Variants in ANXA4 observed in about 807,000 individuals in gnomAD.
The protein encoded by ANXA4 is 35-beta calcimedin.
ANXA4 carries 39 observed loss-of-function variants against 49.8 expected under a neutral mutation model. The ratio of observed to expected loss-of-function variants is 0.78; its 90% CI spans 0.61 to 1.02. The LOEUF is 1.02. Among genes scored for constraint, ANXA4 ranks in the 50% least tolerant of loss-of-function variants. The probability of loss-of-function intolerance (pLI) is 0.00; values close to 1 mark genes in which losing one functional copy is unlikely to be tolerated. For synonymous variants in ANXA4, 134 were observed against 152.5 expected (o/e 0.88, Z 0.89); for missense variants, 360 against 410.1 (o/e 0.88, Z 1.05).
chr2:69,775,685 C>T (rs1202918113), intron 1 of ANXA4, among the ~76,000 whole-genome samples: 1 of 152,184 alleles, frequency 6.6e-6, no homozygotes, highest in Non-Finnish European at 1.5e-5. Flanking sequence ...GCTTTTCTAG[C>T]ACTCATGCTT....
At chr2:69,759,747 C>T (rs1179715132) in intron 1 of ANXA4, among the ~76,000 whole-genome samples, 1 of 152,020 alleles carries the variant, frequency 6.6e-6, no homozygotes, top group East Asian at 1.9e-4. Flanking sequence ...AAAACAAAAC[C>T]AAAAAATAAT....
chr2:69,646,691 A>G (rs1036548635), intron 1 of ANXA4, among the ~76,000 whole-genome samples: 1 of 152,074 alleles, frequency 6.6e-6, no homozygotes, highest in Non-Finnish European at 1.5e-5. Context: ...TAAGTCACAC[A>G]TCCCTACACT....
At chr2:69,820,874 T>C in intron 12 of ANXA4, 53 bp downstream of exon 12, 1 of 1,571,226 alleles carries the variant, frequency 6.4e-7, no homozygotes, top group Non-Finnish European at 8.6e-7. Flanking sequence ...AGGACCCCTC[T>C]GACCTTGGCA....
chr2:69,672,223 TTTTA>T (rs142289857), intron 2 of ANXA4, among the ~76,000 whole-genome samples: 61 of 151,938 alleles, frequency 4.0e-4, no homozygotes, highest in African/African-American at 1.4e-3. Flanking sequence ...TTATTATGTA[TTTTA>T]TTTATTTATT....
In ANXA4 at chr2:69,818,603, T is replaced by A. The variant is rs536375938; in HGVS notation, c.633T>A (p.Phe211Leu). 1.3e-6 allele frequency: 2 copies of A among 1,591,780 alleles called. No individual in the cohort carries two copies. Among genetic ancestry groups the A allele is most frequent in the Admixed American group, 3.5e-5 (2 of 56,848 alleles). Residue 211 changes from phenylalanine (F) to leucine (L), a missense_variant, in exon 10 of 13, where the codon TTT becomes TTA. Coordinates refer to ENST00000394295, the MANE Select transcript of ANXA4 (RefSeq NM_001153.5). ...CTATTTTGTTATTGTCTGCAGTGTT[T>A]GATGAATACAAAAGGATATCACAGA... ...SRNRNHLLHVFDEYKRISQKD... is the reference protein window; with the variant it reads ...SRNRNHLLHVLDEYKRISQKD...
intron 2 of ANXA4, among the ~76,000 whole-genome samples, chr2:69,699,132 AG>A (rs1678253405): frequency 6.6e-6 from 1 of 152,082 alleles, no homozygotes; most frequent in South Asian, 2.1e-4. Flanking sequence ...TGGCAGTGGG[AG>A]TGTGTGGGGT....
chr2:69,711,227 G>A (rs569934215), intron 2 of ANXA4, among the ~76,000 whole-genome samples: 3 of 152,206 alleles, frequency 2.0e-5, no homozygotes, highest in Non-Finnish European at 4.4e-5. Context: ...CTACTTGGGA[G>A]GCTGAGGCGG....
intron 1 of ANXA4, among the ~76,000 whole-genome samples, chr2:69,779,891 T>C (rs7597675): frequency 0.044 from 6,658 of 152,258 alleles, 498 homozygotes; most frequent in African/African-American, 0.15. Flanking sequence ...GCTCAGGGTG[T>C]GTCCCAGGAC....
Position 69,742,840 on chromosome 2 carries a change from G to A in ANXA4, c.-47+665G>A, listed in dbSNP as rs1670456192. ...AATGCAAGTCTTCTGAGCTGACAGA[G>A]CAGAGTGGGTCCTGCATAACTCGTG... On this transcript the variant is annotated intron_variant, in intron 1 of 12. Transcript: ENST00000394295. Among the ~76,000 whole-genome samples, 3 of 152,182 alleles carry A rather than the reference G, an allele frequency of 2.0e-5. No homozygotes were observed. The South Asian group carries it at 6.2e-4, about 32-fold the overall frequency.
upstream of ANXA4, among the ~76,000 whole-genome samples, chr2:69,740,104 G>A (rs1670345285): frequency 1.3e-5 from 2 of 152,190 alleles, no homozygotes; most frequent in Non-Finnish European, 2.9e-5. Flanking sequence ...CAGTGACCTG[G>A]GGCTGGATGC....
intron 1 of ANXA4, among the ~76,000 whole-genome samples, chr2:69,761,701 G>A (rs912460385): frequency 4.6e-5 from 7 of 150,672 alleles, no homozygotes; most frequent in African/African-American, 1.5e-4. Context: ...TGGTAGGATC[G>A]CTTGAGCCCA....
chr2:69,803,042 CA>C (rs950144236), intron 3 of ANXA4, among the ~76,000 whole-genome samples: 2 of 148,904 alleles, frequency 1.3e-5, no homozygotes, highest in Non-Finnish European at 3.0e-5. Flanking sequence ...GTAAAAAATA[CA>C]AAAAAAAATT....
chr2:69,663,333 A>G (rs1428083031), intron 2 of ANXA4, among the ~76,000 whole-genome samples: 1 of 89,332 alleles, frequency 1.1e-5, no homozygotes, highest in Non-Finnish European at 2.2e-5. Flanking sequence ...TTTTTGCTAA[A>G]TATAGCACAC....
chr2:69,719,868 G>A (rs533236713), intron 2 of ANXA4, among the ~76,000 whole-genome samples: 7 of 152,088 alleles, frequency 4.6e-5, no homozygotes, highest in East Asian at 3.9e-4. Context: ...TTAAGTGATC[G>A]TCCCACCTTG....
At chr2:69,788,206 G>C in intron 3 of ANXA4, 65 bp downstream of exon 3, 3 of 1,450,824 alleles carry the variant, frequency 2.1e-6, no homozygotes, top group Non-Finnish European at 1.9e-6. Flanking sequence ...ACACAGGAGG[G>C]TGCCATGTCT....
intron 2 of ANXA4, among the ~76,000 whole-genome samples, chr2:69,720,274 C>G: frequency 6.6e-6 from 1 of 152,236 alleles, no homozygotes; most frequent in East Asian, 1.9e-4. Context: ...TTGGCCACCT[C>G]TCTGCACTGC....
chr2:69,706,432 C>G (rs1396504276), intron 2 of ANXA4, among the ~76,000 whole-genome samples: 1 of 150,490 alleles, frequency 6.6e-6, no homozygotes, highest in African/African-American at 2.4e-5. Context: ...TCCCGAGTAG[C>G]TGGCATCACA....
At chr2:69,651,821 G>GTT (rs1676253158) in intron 1 of ANXA4, among the ~76,000 whole-genome samples, 1 of 41,516 alleles carries the variant, frequency 2.4e-5, no homozygotes. Context: ...TTTTTTTGGG[G>GTT]GGGGGGGGCG....
At chr2:69,791,700 G>A (rs994704919) in intron 3 of ANXA4, among the ~76,000 whole-genome samples, 1 of 152,116 alleles carries the variant, frequency 6.6e-6, no homozygotes, top group Non-Finnish European at 1.5e-5. Flanking sequence ...CCTTTTATGA[G>A]TCCCATACAT....
Sources: allele counts gnomAD v4.1 joint callset (sites outside exome capture counted in the v4.1 genomes callset), GRCh38; gene constraint gnomAD v4.1.1; transcripts MANE v1.5; gene names NCBI Gene and HGNC (gene_info 2026-07-23, HGNC 2026-07-21).